Variants in ACOX3 observed in about 807,000 individuals in gnomAD.
ACOX3 encodes peroxisomal acyl-coenzyme A oxidase 3.
Under a neutral mutation model 81.5 loss-of-function variants are expected in ACOX3, and 73 were observed. The ratio of observed to expected loss-of-function variants is 0.90; its 90% CI spans 0.74 to 1.09. The LOEUF (loss-of-function observed/expected upper bound fraction) is 1.09. Among genes scored for constraint, ACOX3 ranks in the 50% least tolerant of loss-of-function variants. The pLI, the probability that ACOX3 is intolerant of heterozygous loss-of-function variation, is 0.00. For synonymous variants in ACOX3, 387 were observed against 375.1 expected (o/e 1.03, Z -0.37); for missense variants, 947 against 928.0 (o/e 1.02, Z -0.27).
chr4:8,402,434 C>T (rs1720471377), intron 7 of ACOX3, among the ~76,000 whole-genome samples: 1 of 152,200 alleles, frequency 6.6e-6, no homozygotes, highest in African/African-American at 2.4e-5. Context: ...GTGCCAATGG[C>T]CCCAGCGTGC....
Position 8,431,373 on chromosome 4 carries a change from C to T in ACOX3, c.-15+9275G>A, listed in dbSNP as rs1309034129. 6.6e-6 allele frequency among the ~76,000 whole-genome samples: 1 copy of T among 152,204 alleles called. No homozygotes were observed. The highest frequency in any genetic ancestry group is 1.5e-5 in the Non-Finnish European group (1 of 68,036). ...CCTCGGGGCCACCTTCTGGCATTTG[C>T]CTGCTCACGCTGTAGCACTCTCCAT... On this transcript the variant is annotated intron_variant, in intron 1 of 17. Transcript: ENST00000356406. This position sits in a 1 kb window ranked among gnomAD's most constrained non-coding sequence, Gnocchi z 5.3.
chr4:8,412,846 G>A (rs1274793033), intron 5 of ACOX3, among the ~76,000 whole-genome samples: 1 of 150,990 alleles, frequency 6.6e-6, no homozygotes, highest in African/African-American at 2.4e-5. Context: ...GATAGCCCTA[G>A]GGCATCCATC....
At chr4:8,363,135 CAA>C (rs2108769892), downstream of ACOX3, among the ~76,000 whole-genome samples, 1 of 152,312 alleles carries the variant, frequency 6.6e-6, no homozygotes, top group East Asian at 1.9e-4. Flanking sequence ...TCAGAAGAAA[CAA>C]GAGGGATGGA....
chr4:8,389,636 C>T lies in ACOX3; in HGVS notation c.1399G>A (p.Gly467Ser). Residue 467 changes from glycine (G) to serine (S), a missense_variant, in exon 12 of 18, where the codon GGT becomes AGT. By Grantham distance (56) the Gly-to-Ser change is moderately conservative. Coordinates refer to ENST00000356406, the MANE Select transcript of ACOX3 (RefSeq NM_003501.3). This position sits in a 1 kb window ranked among gnomAD's most constrained non-coding sequence, Gnocchi z 5.3. ...CCGTGGACCTGGTGTGCCAGGAGAC[C>T]CAGCAAATAGTTGCTTGTCTGCTGC... The part of the protein sequence containing the change: ...LLQQTSNYLL[G>S]LLAHQVHDGA... The T allele has an allele frequency of 6.2e-7, 1 of 1,613,988 alleles. No homozygotes were observed. Among genetic ancestry groups the T allele is most frequent in the Non-Finnish European group, 8.5e-7 (1 of 1,180,030 alleles).
At position 8,405,876 on chromosome 4, in the gene ACOX3, A is replaced by G. The variant is rs1720885131; in HGVS notation, c.776+79T>C. 1 of 1,382,564 alleles carries G rather than the reference A, an allele frequency of 7.2e-7. No individual in the cohort carries two copies. 85.6% of individuals were successfully genotyped at this position (1,382,564 alleles called of 1,614,324 possible). A position where few individuals can be genotyped will look rare whatever the true frequency, so the allele number is the denominator to read the frequency against. ...GGCAGGGCATGGCATCCATGGGGCC[A>G]GTGAGATCTCAGACATGAGCGACAA... On this transcript the variant is annotated intron_variant, in intron 7 of 17. Coordinates refer to ENST00000356406, the MANE Select transcript of ACOX3 (RefSeq NM_003501.3). This position sits in a 1 kb window ranked among gnomAD's most constrained non-coding sequence, Gnocchi z 7.1.
Position 8,375,100 on chromosome 4 carries a change from T to C in ACOX3, c.1706A>G (p.Gln569Arg). The C allele has an allele frequency of 6.4e-7, 1 of 1,554,176 alleles. No individual in the cohort carries two copies. The highest frequency in any genetic ancestry group is 8.7e-7 in the Non-Finnish European group (1 of 1,148,950). Residue 569 changes from glutamine to arginine, a missense_variant, in exon 15 of 18, where the codon CAG becomes CGG. Coordinates refer to ENST00000356406, the MANE Select transcript of ACOX3 (RefSeq NM_003501.3). ...CTGGTGCACGTGCTCGTGGAACCTCTGGACCACCGTGAGCTCCACGAAGGC... is the reference window on the plus strand; with the variant it reads ...CTGGTGCACGTGCTCGTGGAACCTCCGGACCACCGTGAGCTCCACGAAGGC... ...ALAFVELTVV[Q>R]RFHEHVHQPS...
At chr4:8,367,154 CA>C in intron 17 of ACOX3, 74 bp from the exon 18 acceptor site, 1 of 1,561,834 alleles carries the variant, frequency 6.4e-7, no homozygotes, top group South Asian at 1.1e-5. Context: ...GCTGAGTGTG[CA>C]AATGCAACTC....
rs1220734682 is a variant in ACOX3, at chr4:8,407,556, T to C, written c.688-1513A>G. On this transcript the variant is annotated intron_variant, in intron 6 of 17. Transcript: ENST00000356406. The surrounding 1 kb of genome is among the most constrained non-coding windows in gnomAD (Gnocchi z 4.6). ...GTTATGCTGTTTCGAGCGCCCTGCT[T>C]TGTGGTGCTTTGCTGTGGCAGCCAT... is the stretch of plus-strand genomic sequence containing the variant. Among the ~76,000 whole-genome samples the C allele has an allele frequency of 2.6e-5, 4 of 152,156 alleles. No homozygotes were observed. The highest frequency in any genetic ancestry group is 5.9e-5 in the Non-Finnish European group (4 of 68,020).
At chr4:8,390,102 C>CAAAAAAA (rs773204173) in intron 11 of ACOX3, among the ~76,000 whole-genome samples, 1 of 84,160 alleles carries the variant, frequency 1.2e-5, no homozygotes, top group African/African-American at 6.5e-5. Flanking sequence ...GACCCTGTCT[C>CAAAAAAA]AACAACAACA....
intron 13 of ACOX3, among the ~76,000 whole-genome samples, chr4:8,388,549 T>C (rs1478748171): frequency 6.6e-6 from 1 of 152,262 alleles, no homozygotes; most frequent in Non-Finnish European, 1.5e-5. Flanking sequence ...CCCACCTCTC[T>C]GAGCCACAGA....
chr4:8,406,059 G>C lies in ACOX3; in HGVS notation c.688-16C>G. 6.2e-7 allele frequency: 1 copy of C among 1,611,388 alleles called. No individual in the cohort carries two copies. Among genetic ancestry groups the C allele is most frequent in the Middle Eastern group, 1.7e-4 (1 of 6,060 alleles). On this transcript the variant is annotated splice_polypyrimidine_tract_variant and intron_variant, in intron 6 of 17. Transcript: ENST00000356406. This position sits in a 1 kb window ranked among gnomAD's most constrained non-coding sequence, Gnocchi z 5.6. ...GGTCCCGGATCTATACAAAGCCACA[G>C]AAAGCAGCAAACAGCAACTGTTACA...
rs774101041 is a variant in ACOX3, at chr4:8,368,539, T to C, written c.1984-1459A>G. On this transcript the variant is annotated intron_variant, in intron 17 of 17. Transcript: ENST00000356406. The surrounding 1 kb of genome is among the most constrained non-coding windows in gnomAD (Gnocchi z 5.9). ...TCCTCCCCACTCTGCTACTCTGGGC[T>C]CCACAGACACAGACCCAGGCTGCTG... 4.2e-4 allele frequency among the ~76,000 whole-genome samples: 64 copies of C among 152,306 alleles called. 2 individuals are homozygous for C. In the Middle Eastern group the frequency reaches 0.01, roughly 24 times the overall value.
chr4:8,387,583 CT>C (rs1282111860), intron 13 of ACOX3, among the ~76,000 whole-genome samples: 1 of 152,190 alleles, frequency 6.6e-6, no homozygotes, highest in Non-Finnish European at 1.5e-5. Context: ...CGGCTTTGAG[CT>C]GTTCTCTGTG....
In ACOX3 at chr4:8,382,724, G is replaced by A. The variant is rs1254901211; in HGVS notation, c.1538-1117C>T. Among the ~76,000 whole-genome samples, 1 of 152,126 alleles carries A rather than the reference G, an allele frequency of 6.6e-6. No individual in the cohort carries two copies. Among genetic ancestry groups the A allele is most frequent in the Admixed American group, 6.5e-5 (1 of 15,280 alleles). ...AATACCCAACGTTGCTGGGCGCAGT[G>A]GCTCACACCTGTAATCCCAGCACTT... On this transcript the variant is annotated intron_variant, in intron 13 of 17. Coordinates refer to ENST00000356406, the MANE Select transcript of ACOX3 (RefSeq NM_003501.3). The surrounding 1 kb of genome is among the most constrained non-coding windows in gnomAD (Gnocchi z 4.1).
At position 8,416,279 on chromosome 4, in the gene ACOX3, C is replaced by G; in HGVS notation, c.144+99G>C. On this transcript the variant is annotated intron_variant, in intron 2 of 17. Transcript: ENST00000356406. The surrounding 1 kb of genome is among the most constrained non-coding windows in gnomAD (Gnocchi z 4.2). ...CGCGCTGCCTGGGATGAGCCTCGCC[C>G]GGCAGAGGAGGAGCTGTGAGAGCCA... 1 of 1,595,470 alleles carries G rather than the reference C, an allele frequency of 6.3e-7. No individual in the cohort carries two copies. Among genetic ancestry groups the G allele is most frequent in the Non-Finnish European group, 8.6e-7 (1 of 1,166,702 alleles).
chr4:8,395,599 T>C (rs535648471), intron 9 of ACOX3, among the ~76,000 whole-genome samples: 2 of 152,328 alleles, frequency 1.3e-5, no homozygotes, highest in South Asian at 4.1e-4. Context: ...AACTTACAAA[T>C]GATAAAGCAA....
intron 13 of ACOX3, among the ~76,000 whole-genome samples, chr4:8,388,968 T>C (rs1210068520): frequency 6.6e-6 from 1 of 152,116 alleles, no homozygotes; most frequent in African/African-American, 2.4e-5. Context: ...CTTCAATTCA[T>C]CTGTGGAGTC....
chr4:8,406,097 TCAAAA>T lies in ACOX3; in HGVS notation c.688-59_688-55del. 6.4e-7 allele frequency: 1 copy of T among 1,568,386 alleles called. No homozygotes were observed. Among genetic ancestry groups the T allele is most frequent in the South Asian group, 1.1e-5 (1 of 90,186 alleles). ...AGCAACTGTTACAATCACACAAAAATCAAAACAAATGTGTTCAGAAACCCACAGGG... is the reference window on the plus strand; with the variant it reads ...AGCAACTGTTACAATCACACAAAAATCAAATGTGTTCAGAAACCCACAGGG... On this transcript the variant is annotated intron_variant, in intron 6 of 17. Transcript: ENST00000356406. This position sits in a 1 kb window ranked among gnomAD's most constrained non-coding sequence, Gnocchi z 5.6.
At chr4:8,404,604 T>C (rs1376137871) in intron 7 of ACOX3, among the ~76,000 whole-genome samples, 7 of 152,216 alleles carry the variant, frequency 4.6e-5, no homozygotes, top group African/African-American at 1.4e-4. Context: ...AGACACTCCC[T>C]GCCCATCACC....
Sources: allele counts gnomAD v4.1 joint callset (sites outside exome capture counted in the v4.1 genomes callset), GRCh38; gene constraint gnomAD v4.1.1; non-coding constraint Gnocchi (gnomAD v3.1); transcripts MANE v1.5; gene names NCBI Gene and HGNC (gene_info 2026-07-23, HGNC 2026-07-21).